The following SUPT20HL1 variants were observed in gnomAD, a reference collection of about 807,000 sequenced individuals.
SUPT20HL1 encodes the protein SUPT20H like 1, also known as transcription factor SPT20 homolog-like 1.
For synonymous variants in SUPT20HL1, 133 were observed against 79.2 expected, an observed-to-expected ratio of 1.68 and a Z score of -3.61; for missense variants, 277 against 200.3, an observed-to-expected ratio of 1.38 and a Z score of -2.31.
In SUPT20HL1 at chrX:24,361,330, A is replaced by T. The variant is rs1042543368; in HGVS notation, c.-1431A>T. Among the ~76,000 whole-genome samples, 2 of 112,424 alleles carry T rather than the reference A, an allele frequency of 1.8e-5. No individual in the cohort carries two copies. The highest frequency in any genetic ancestry group is 6.5e-5 in the African/African-American group (2 of 30,948). ...GAGTCCATCCCATGGCAGGGTGGGC[A>T]GATATACCTCTCTAATAAGTGAGAT... On this transcript the variant is annotated 5_prime_UTR_variant, in exon 1 of 1. Transcript: ENST00000686983.
rs997608902 is a variant in SUPT20HL1, at chrX:24,362,072, C to T, written c.-689C>T. 9.8e-5 allele frequency among the ~76,000 whole-genome samples: 11 copies of T among 112,618 alleles called. No homozygotes were observed. Among genetic ancestry groups the T allele is most frequent in the Admixed American group, 2.8e-4 (3 of 10,705 alleles). ...TCAGTGACAACTTCCCATGATTTCC[C>T]GACAGCGGCATTCCTGTGGAAACTG... On this transcript the variant is annotated 5_prime_UTR_variant, in exon 1 of 1. It introduces an in-frame stop codon into an upstream open reading frame of the 5' UTR. Transcript: ENST00000686983.
chrX:24,364,296 TG>T lies in SUPT20HL1; in HGVS notation c.1537del (p.Ala513LeufsTer10), dbSNP rs1569203540. On this transcript the variant is annotated frameshift_variant, in exon 1 of 1. Coordinates refer to ENST00000686983, the MANE Select transcript of SUPT20HL1 (RefSeq NM_001136234.3). LOFTEE classifies it low-confidence loss of function (END_TRUNC). ...CTGCTGCTGCTGCTGCTGCTGCTGC[TG>T]CTGCTGCTGCTGCTCCTGCTCCTGC... ...AAAAAAAAAA[A>X]AAAAPAPALA... 2.4e-5 allele frequency: 23 copies of T among 971,732 alleles called. No homozygotes were observed. The highest frequency in any genetic ancestry group is 1.9e-4 in the African/African-American group (9 of 47,083). 80.1% of individuals were successfully genotyped at this position (971,732 alleles called of 1,213,427 possible). A position where few individuals can be genotyped will look rare whatever the true frequency, so the allele number is the denominator to read the frequency against.
Position 24,365,098 on chromosome X carries a change from C to T in SUPT20HL1, c.2338C>T (p.Leu780Phe). 1 of 345,966 alleles carries T rather than the reference C, an allele frequency of 2.9e-6. No individual in the cohort carries two copies. Among genetic ancestry groups the T allele is most frequent in the African/African-American group, 2.6e-5 (1 of 38,556 alleles). The allele number at this position is 345,966 out of a possible 1,213,427, so 28.5% of individuals were successfully genotyped here. ...CCAGGTTCCTCAGCAGGGTGTCCAGCTCCCCTCTGTCTTGAGGCAGCAGCA... is the reference window on the plus strand; with the variant it reads ...CCAGGTTCCTCAGCAGGGTGTCCAGTTCCCCTCTGTCTTGAGGCAGCAGCA... Reference protein sequence around the residue: ...SAQVPQQGVQLPSVLRQQQPQ... With the variant: ...SAQVPQQGVQFPSVLRQQQPQ... The change falls in exon 1 of 1, where the codon CTC becomes TTC. Residue 780 changes from leucine to phenylalanine, a missense_variant. Transcript: ENST00000686983.
rs1046145467 is a variant in SUPT20HL1 at position 24,362,265 on chromosome X, C to A, written c.-496C>A. On this transcript the variant is annotated 5_prime_UTR_variant, in exon 1 of 1. Transcript: ENST00000686983. ...CCCAGGAGGCTAGAGATGCAGGAGC[C>A]CCAGAACCTGCGGTGCAGCGAGTGC... Among the ~76,000 whole-genome samples the A allele has an allele frequency of 8.9e-6, 1 of 112,795 alleles. No homozygotes were observed. The highest frequency in any genetic ancestry group is 3.2e-5 in the African/African-American group (1 of 31,041).
chrX:24,366,572 GGTT>G lies in SUPT20HL1; in HGVS notation c.*1152_*1154del, dbSNP rs1266209934. 9.2e-6 allele frequency among the ~76,000 whole-genome samples: 1 copy of G among 108,929 alleles called. No individual in the cohort carries two copies. The highest frequency in any genetic ancestry group is 2.9e-4 in the East Asian group (1 of 3,507). The allele number at this position is 108,929 out of a possible 115,157, so 94.6% of individuals were successfully genotyped here. A position where few individuals can be genotyped will look rare whatever the true frequency, so the allele number is the denominator to read the frequency against. ...TATAAAATCATTTACATTTTTTGTA[GGTT>G]GTTTGCAAGAAACATTTAGTGAAAC... On this transcript the variant is annotated 3_prime_UTR_variant, in exon 1 of 1. Coordinates refer to ENST00000686983, the MANE Select transcript of SUPT20HL1 (RefSeq NM_001136234.3).
In SUPT20HL1 at chrX:24,364,047, A is replaced by G; in HGVS notation, c.1287A>G (p.Pro429=). 1.8e-6 allele frequency: 1 copy of G among 547,628 alleles called. No homozygotes were observed. Among genetic ancestry groups the G allele is most frequent in the Non-Finnish European group, 3.4e-6 (1 of 296,746 alleles). 45.1% of individuals were successfully genotyped at this position (547,628 alleles called of 1,213,427 possible). Residue 429 remains proline (P), a synonymous_variant, in exon 1 of 1, where the codon CCA becomes CCG. Transcript: ENST00000686983. The stretch of plus-strand genomic sequence containing the variant: ...AGATGTCACACAGCTCCAGTGGCCC[A>G]GCCAGTGTCAGTCAGCTCTCTTCAT... ...PGKMSHSSSG[P]ASVSQLSSWK...
chrX:24,363,288 T>C lies in SUPT20HL1; in HGVS notation c.528T>C (p.His176=), dbSNP rs1939441610. The C allele has an allele frequency of 1.8e-5, 7 of 384,712 alleles. No homozygotes were observed. The highest frequency in any genetic ancestry group is 1.6e-4 in the South Asian group (7 of 42,556). The allele number at this position is 384,712 out of a possible 1,213,427, so 31.7% of individuals were successfully genotyped here. Residue 176 remains histidine (H), a synonymous_variant, in exon 1 of 1, where the codon CAT becomes CAC. Transcript: ENST00000686983. ...LLRPTMQTLA[H]DVKMMTRDGQ... The stretch of plus-strand genomic sequence containing the variant: ...GTCCAACGATGCAGACTTTAGCCCA[T>C]GATGTGAAGATGATGACAAGAGATG...
chrX:24,366,953 G>C lies in SUPT20HL1; in HGVS notation c.*1529G>C, dbSNP rs912717637. ...TTTCATCACCCACCAAGCAATCTCTGTACCCATTAAGCACTAGCGTGACAT... is the reference window on the plus strand; with the variant it reads ...TTTCATCACCCACCAAGCAATCTCTCTACCCATTAAGCACTAGCGTGACAT... On this transcript the variant is annotated 3_prime_UTR_variant, in exon 1 of 1. Coordinates refer to ENST00000686983, the MANE Select transcript of SUPT20HL1 (RefSeq NM_001136234.3). Among the ~76,000 whole-genome samples the C allele has an allele frequency of 2.9e-5, 3 of 102,620 alleles. No homozygotes were observed. Among genetic ancestry groups the C allele is most frequent in the African/African-American group, 1.1e-4 (3 of 26,266 alleles). The allele number at this position is 102,620 out of a possible 115,157, so 89.1% of individuals were successfully genotyped here.
Position 24,365,026 on chromosome X carries a change from C to G in SUPT20HL1, c.2266C>G (p.Leu756Val). ...KVNPTRARSG[L>V]QPQPQPAVLS... ...GAACCCCACTAGAGCCAGAAGTGGT[C>G]TGCAGCCCCAGCCCCAGCCTGCTGT... is the stretch of plus-strand genomic sequence containing the variant. The change falls in exon 1 of 1, where the codon CTG becomes GTG. Residue 756 changes from leucine (L) to valine (V), a missense_variant. Coordinates refer to ENST00000686983, the MANE Select transcript of SUPT20HL1 (RefSeq NM_001136234.3). 1 of 373,004 alleles carries G rather than the reference C, an allele frequency of 2.7e-6. No homozygotes were observed. Among genetic ancestry groups the G allele is most frequent in the Non-Finnish European group, 5.4e-6 (1 of 185,917 alleles). 30.7% of individuals were successfully genotyped at this position (373,004 alleles called of 1,213,427 possible). A position where few individuals can be genotyped will look rare whatever the true frequency, so the allele number is the denominator to read the frequency against.
rs1939482102 is a variant in SUPT20HL1, at chrX:24,366,030, ACTTT to A, written c.*613_*616del. Reference sequence around the variant, plus strand: ...CCCAGTCCCTGGCAGCCATTGTTCTACTTTCTTTCTCTATGAGTTGACTACCCTG... The same window carrying A: ...CCCAGTCCCTGGCAGCCATTGTTCTACTTTCTCTATGAGTTGACTACCCTG... On this transcript the variant is annotated 3_prime_UTR_variant, in exon 1 of 1. Coordinates refer to ENST00000686983, the MANE Select transcript of SUPT20HL1 (RefSeq NM_001136234.3). Among the ~76,000 whole-genome samples the A allele has an allele frequency of 9.0e-6, 1 of 111,235 alleles. No homozygotes were observed. The highest frequency in any genetic ancestry group is 3.3e-5 in the African/African-American group (1 of 30,523).
rs1352355319 is a variant in SUPT20HL1 at position 24,367,020 on chromosome X, G to A, written c.*1596G>A. ...TCTGGCAACCACCAATTTGCTTTCTGTTTCTATGGATTTACCTAAATATCT... is the reference window on the plus strand; with the variant it reads ...TCTGGCAACCACCAATTTGCTTTCTATTTCTATGGATTTACCTAAATATCT... On this transcript the variant is annotated 3_prime_UTR_variant, in exon 1 of 1. Transcript: ENST00000686983. 9.3e-6 allele frequency among the ~76,000 whole-genome samples: 1 copy of A among 107,792 alleles called. No homozygotes were observed. The highest frequency in any genetic ancestry group is 1.9e-5 in the Non-Finnish European group (1 of 52,609). The allele number at this position is 107,792 out of a possible 115,157, so 93.6% of individuals were successfully genotyped here. A position where few individuals can be genotyped will look rare whatever the true frequency, so the allele number is the denominator to read the frequency against.
rs200941237 is a variant in SUPT20HL1, at chrX:24,364,715, G to A, written c.1955G>A (p.Gly652Glu). The A allele has an allele frequency of 1.5e-3, 636 of 420,587 alleles. No homozygotes were observed. Among genetic ancestry groups the A allele is most frequent in the Non-Finnish European group, 1.7e-3 (377 of 215,440 alleles). The allele number at this position is 420,587 out of a possible 1,213,427, so 34.7% of individuals were successfully genotyped here. ...AGTGGCAGTGACCTTCAGTCCTCAG[G>A]AGGTCCACTACCAGATGCAAGGCCC... The part of the protein sequence containing the change: ...GISGSDLQSS[G>E]GPLPDARPGA... Residue 652 changes from glycine (G) to glutamate (E), a missense_variant, in exon 1 of 1, where the codon GGA (glycine) becomes GAA (glutamate). Transcript: ENST00000686983.
rs1939435471 is a variant in SUPT20HL1, at chrX:24,362,542, C to G, written c.-219C>G. Among the ~76,000 whole-genome samples the G allele has an allele frequency of 8.9e-6, 1 of 111,737 alleles. No homozygotes were observed. The highest frequency in any genetic ancestry group is 1.9e-5 in the Non-Finnish European group (1 of 53,019). On this transcript the variant is annotated 5_prime_UTR_variant, in exon 1 of 1. Transcript: ENST00000686983. ...GCCGCAGAGACGCGAAGTCCGGCCA[C>G]GACGACGACCCCTCAGGTACCCATG...
chrX:24,365,345 A>G lies in SUPT20HL1; in HGVS notation c.2585A>G (p.Gln862Arg), dbSNP rs1273193262. The G allele has an allele frequency of 2.6e-6, 1 of 387,359 alleles. No individual in the cohort carries two copies. The highest frequency in any genetic ancestry group is 5.2e-6 in the Non-Finnish European group (1 of 192,644). The allele number at this position is 387,359 out of a possible 1,213,427, so 31.9% of individuals were successfully genotyped here. The change falls in exon 1 of 1, where the codon CAG becomes CGG. Residue 862 changes from glutamine (Q) to arginine (R), a missense_variant. Physicochemically the swap from Gln to Arg is conservative, Grantham distance 43. Transcript: ENST00000686983. Reference protein sequence around the residue: ...FLATGAVQIVQPHPGVQVGSQ... With the variant: ...FLATGAVQIVRPHPGVQVGSQ... ...GCAACAGGCGCTGTTCAGATAGTGC[A>G]GCCACATCCAGGTGTGCAAGTAGGG... is the stretch of plus-strand genomic sequence containing the variant.
At position 24,364,514 on chromosome X, in the gene SUPT20HL1, C is replaced by T. The variant is rs773940697; in HGVS notation, c.1754C>T (p.Ala585Val). 4 of 559,196 alleles carry T rather than the reference C, an allele frequency of 7.2e-6. No homozygotes were observed. The Admixed American group carries it at 8.9e-5, about 12-fold the overall frequency. 46.1% of individuals were successfully genotyped at this position (559,196 alleles called of 1,213,427 possible). Residue 585 changes from alanine to valine, a missense_variant, in exon 1 of 1, where the codon GCT (alanine) becomes GTT (valine). Coordinates refer to ENST00000686983, the MANE Select transcript of SUPT20HL1 (RefSeq NM_001136234.3). The part of the protein sequence containing the change: ...PLIQASRPCP[A>V]AQPPTKFIKI... ...ATTCAAGCTAGCAGGCCCTGTCCAG[C>T]TGCCCAGCCCCCCACCAAATTCATA...
rs1939483175 is a variant in SUPT20HL1 at position 24,366,156 on chromosome X, A to C, written c.*732A>C. Reference sequence around the variant, plus strand: ...CCTCATGATCTATCCCTGCTGTCTCATGTGACATAAAGGTCATTGCTTTTT... The same window carrying C: ...CCTCATGATCTATCCCTGCTGTCTCCTGTGACATAAAGGTCATTGCTTTTT... On this transcript the variant is annotated 3_prime_UTR_variant, in exon 1 of 1. Transcript: ENST00000686983. Among the ~76,000 whole-genome samples, 1 of 111,905 alleles carries C rather than the reference A, an allele frequency of 8.9e-6. No individual in the cohort carries two copies. Among genetic ancestry groups the C allele is most frequent in the African/African-American group, 3.3e-5 (1 of 30,758 alleles).
rs1253087371 is a variant in SUPT20HL1, at chrX:24,361,722, T to G, written c.-1039T>G. Among the ~76,000 whole-genome samples, 1 of 112,125 alleles carries G rather than the reference T, an allele frequency of 8.9e-6. No homozygotes were observed. Among genetic ancestry groups the G allele is most frequent in the African/African-American group, 3.2e-5 (1 of 30,833 alleles). ...GTCTCTCTACCATCCTGACCTGCAA[T>G]CCATAGACAATGTAATGACCCACCA... On this transcript the variant is annotated 5_prime_UTR_variant, in exon 1 of 1. Transcript: ENST00000686983.
In SUPT20HL1 at chrX:24,367,167, A is replaced by G. The variant is rs764765914; in HGVS notation, c.*1743A>G. Among the ~76,000 whole-genome samples, 6 of 112,661 alleles carry G rather than the reference A, an allele frequency of 5.3e-5. No homozygotes were observed. Among genetic ancestry groups the G allele is most frequent in the African/African-American group, 1.6e-4 (5 of 30,981 alleles). ...GCTAATTCATTCCTATCTGTGGTTC[A>G]ATAACATTCCATTGTTTGTATGTAG... On this transcript the variant is annotated 3_prime_UTR_variant, in exon 1 of 1. Transcript: ENST00000686983.
At position 24,364,326 on chromosome X, in the gene SUPT20HL1, A is replaced by AGCT. The variant is rs1467503854; in HGVS notation, c.1579_1581dup (p.Ala527dup). 1 of 689,552 alleles carries AGCT rather than the reference A, an allele frequency of 1.5e-6. No individual in the cohort carries two copies. The highest frequency in any genetic ancestry group is 1.9e-6 in the Non-Finnish European group (1 of 514,174). 56.8% of individuals were successfully genotyped at this position (689,552 alleles called of 1,213,427 possible). A position where few individuals can be genotyped will look rare whatever the true frequency, so the allele number is the denominator to read the frequency against. ...CTGCTGCTGCTCCTGCTCCTGCTCT[A>AGCT]GCTGCTGCTGCTGCTCCTGCTCTAG... is the stretch of plus-strand genomic sequence containing the variant. On this transcript the variant is annotated inframe_insertion, in exon 1 of 1. Transcript: ENST00000686983.
Sources: allele counts gnomAD v4.1 joint callset (sites outside exome capture counted in the v4.1 genomes callset), GRCh38; gene constraint gnomAD v4.1.1; transcripts MANE v1.5; gene names NCBI Gene and HGNC (gene_info 2026-07-23, HGNC 2026-07-21).